PLCB1: variants seen among roughly 807,000 people sequenced by gnomAD.
PLCB1 encodes phospholipase C beta 1, also known as 1-phosphatidylinositol 4,5-bisphosphate phosphodiesterase beta-1.
PLCB1 carries 46 observed loss-of-function variants against 161.8 expected under a neutral mutation model. The observed-to-expected ratio is 0.28, with a 90% CI of 0.22 to 0.36. The LOEUF (loss-of-function observed/expected upper bound fraction) is 0.36, where lower values mean the gene tolerates loss of function less well. Among genes scored for constraint, PLCB1 ranks in the 10% least tolerant of loss-of-function variants. PLCB1 has a pLI of 1.00. For missense variants in PLCB1, 1,016 were observed against 1,472.5 expected (o/e 0.69, Z 5.07); for synonymous variants, 517 against 503.7 (o/e 1.03, Z -0.35).
chr20:8,232,361 A>G (rs73607857), intron 2 of PLCB1, among the ~76,000 whole-genome samples: 7,480 of 152,268 alleles, frequency 0.049, 603 homozygotes, highest in African/African-American at 0.17. Context: ...TTGAAGTTCC[A>G]TCATTTATAA....
intron 31 of PLCB1, among the ~76,000 whole-genome samples, chr20:8,809,609 C>T (rs753876870): frequency 6.6e-5 from 10 of 152,200 alleles, no homozygotes; most frequent in Non-Finnish European, 1.5e-4. Context: ...AAACCTTACC[C>T]TCTTTCATGG....
At chr20:8,792,520 A>G (rs1983809175) in intron 31 of PLCB1, 1 of 470,326 alleles carries the variant, frequency 2.1e-6, no homozygotes, top group Non-Finnish European at 4.4e-6. Flanking sequence ...GGCCCCTTGG[A>G]AAGAGATCTG....
chr20:8,433,833 C>A (rs1399128952), intron 3 of PLCB1, among the ~76,000 whole-genome samples: 1 of 152,052 alleles, frequency 6.6e-6, no homozygotes, highest in African/African-American at 2.4e-5. Flanking sequence ...TACATAGATG[C>A]TCAAAATTTT....
chr20:8,456,820 TG>T (rs1167331805), intron 3 of PLCB1, among the ~76,000 whole-genome samples: 1 of 152,140 alleles, frequency 6.6e-6, no homozygotes, highest in African/African-American at 2.4e-5. Context: ...GTAACTCACA[TG>T]GGAGAAGTGG....
At chr20:8,168,034 C>G (rs1292879563) in intron 2 of PLCB1, among the ~76,000 whole-genome samples, 4 of 152,146 alleles carry the variant, frequency 2.6e-5, no homozygotes, top group African/African-American at 9.7e-5. Flanking sequence ...GGTCTCTCAT[C>G]TTCCAACAGG....
At chr20:8,635,155 AT>A (rs1988721274) in intron 4 of PLCB1, among the ~76,000 whole-genome samples, 2 of 152,146 alleles carry the variant, frequency 1.3e-5, no homozygotes, top group South Asian at 4.2e-4. Context: ...TCTATCCTGT[AT>A]TTGCGAGCTG....
chr20:8,207,826 C>G (rs915089242), intron 2 of PLCB1, among the ~76,000 whole-genome samples: 1 of 152,090 alleles, frequency 6.6e-6, no homozygotes, highest in African/African-American at 2.4e-5. Context: ...AGTGATCATC[C>G]CATCTGGGCC....
intron 3 of PLCB1, among the ~76,000 whole-genome samples, chr20:8,600,974 G>A (rs6118264): frequency 0.072 from 10,912 of 151,998 alleles, 477 homozygotes; most frequent in African/African-American, 0.13. Context: ...CACGGTGCGC[G>A]CACCCACTGA....
chr20:8,736,944 G>A (rs1473145633), intron 19 of PLCB1, 84 bp from the exon 20 acceptor site: 2 of 995,710 alleles, frequency 2.0e-6, no homozygotes, highest in Non-Finnish European at 3.1e-6. Flanking sequence ...AAGAGCATTT[G>A]TGGCTCTTTA....
intron 31 of PLCB1, among the ~76,000 whole-genome samples, chr20:8,825,101 G>T (rs1424343636): frequency 1.3e-5 from 2 of 152,114 alleles, no homozygotes; most frequent in Non-Finnish European, 2.9e-5. Context: ...CACGTTTTTT[G>T]AATGTATTCA....
chr20:8,566,068 A>G (rs1295140671), intron 3 of PLCB1, among the ~76,000 whole-genome samples: 1 of 152,192 alleles, frequency 6.6e-6, no homozygotes, highest in Non-Finnish European at 1.5e-5. Flanking sequence ...TATCAATTAT[A>G]TAATTAAAGT....
intron 27 of PLCB1, among the ~76,000 whole-genome samples, chr20:8,776,237 T>C (rs931891875): frequency 1.3e-5 from 2 of 152,208 alleles, no homozygotes; most frequent in African/African-American, 4.8e-5. Flanking sequence ...TTTGGTACTA[T>C]TGTCAGCCCC....
chr20:8,486,091 A>G (rs1160767947), intron 3 of PLCB1, among the ~76,000 whole-genome samples: 1 of 152,148 alleles, frequency 6.6e-6, no homozygotes, highest in Non-Finnish European at 1.5e-5. Context: ...TCAGACCTCA[A>G]TGAACTTACT....
At chr20:8,848,508 T>A (rs1395125724) in intron 31 of PLCB1, among the ~76,000 whole-genome samples, 1 of 151,394 alleles carries the variant, frequency 6.6e-6, no homozygotes, top group Non-Finnish European at 1.5e-5. Flanking sequence ...ACACAAGGCC[T>A]CCTTATCACT....
At chr20:8,474,276 G>A (rs1982175297) in intron 3 of PLCB1, among the ~76,000 whole-genome samples, 1 of 152,142 alleles carries the variant, frequency 6.6e-6, no homozygotes, top group Admixed American at 6.5e-5. Context: ...AGAGTTTCAT[G>A]CTAGGAAGAA....
chr20:8,673,882 G>A (rs1198567100), intron 9 of PLCB1, among the ~76,000 whole-genome samples: 3 of 152,220 alleles, frequency 2.0e-5, no homozygotes, highest in Non-Finnish European at 2.9e-5. Flanking sequence ...CTGCCTGTCT[G>A]CTGGACTTCC....
intron 3 of PLCB1, among the ~76,000 whole-genome samples, chr20:8,376,605 T>C (rs1987089337): frequency 6.6e-6 from 1 of 151,878 alleles, no homozygotes; most frequent in Non-Finnish European, 1.5e-5. Flanking sequence ...AGTGAGAAAG[T>C]GGTGGTAGTT....
chr20:8,249,772 C>T (rs1357643265), intron 2 of PLCB1: 2 of 151,892 alleles, frequency 1.3e-5, no homozygotes, highest in Admixed American at 1.3e-4. Flanking sequence ...GTGTGTGACC[C>T]CAGTGAGCCC....
chr20:8,856,473 G>T (rs1228082614), intron 31 of PLCB1, among the ~76,000 whole-genome samples: 1 of 152,008 alleles, frequency 6.6e-6, no homozygotes, highest in Non-Finnish European at 1.5e-5. Flanking sequence ...AAAATTAGCT[G>T]GGCGTGGGGG....
Sources: gnomAD v4.1 joint callset for allele counts (sites outside exome capture counted in the v4.1 genomes callset) on GRCh38, gnomAD v4.1.1 for gene constraint, MANE v1.5 for transcripts, NCBI Gene and HGNC (gene_info 2026-07-23, HGNC 2026-07-21) for gene names.